LOXHD1: variants seen among roughly 807,000 people sequenced by gnomAD.
LOXHD1 encodes the protein lipoxygenase homology domain-containing protein 1.
A neutral mutation model predicts 248.2 loss-of-function variants in LOXHD1; 205 were observed. That is an observed-to-expected ratio of 0.83 (90% CI 0.74 to 0.93). The LOEUF is 0.93. Among genes scored for constraint, LOXHD1 ranks in the 40% least tolerant of loss-of-function variants. The pLI is 0.00. For missense variants in LOXHD1, 2,930 were observed against 2,971.6 expected (o/e 0.99, Z 0.33); for synonymous variants, 1,113 against 1,162.8 (o/e 0.96, Z 0.87).
At chr18:46,516,264 G>A (rs2035243690) in intron 34 of LOXHD1, among the ~76,000 whole-genome samples, 1 of 152,180 alleles carries the variant, frequency 6.6e-6, no homozygotes, top group Non-Finnish European at 1.5e-5. Flanking sequence ...TGATAAGAGG[G>A]GTGTTGTGAG....
Position 46,541,791 on chromosome 18 carries a change from T to C in LOXHD1, c.3898A>G (p.Arg1300Gly), listed in dbSNP as rs756361785. 1.9e-5 allele frequency: 29 copies of C among 1,551,728 alleles called. 1 individual carries two copies. The highest frequency in any genetic ancestry group is 1.7e-4 in the Middle Eastern group (1 of 5,992). The change falls in exon 25 of 41, where the codon AGG (arginine) becomes GGG (glycine). Residue 1300 changes from arginine (R) to glycine (G), a missense_variant. Arg to Gly is a moderately radical substitution (Grantham distance 125). Transcript: ENST00000642948. ...TGGTTCCTACATGGTGTGTACAGCCTCGTCTGAAGCTCTGCATGGAAGAGG... is the reference window on the plus strand; with the variant it reads ...TGGTTCCTACATGGTGTGTACAGCCCCGTCTGAAGCTCTGCATGGAAGAGG... ...RDLFHAELQTRLYTPFVPYEI... is the reference protein window; with the variant it reads ...RDLFHAELQTGLYTPFVPYEI...
At chr18:46,546,386 T>A (rs1244715460) in intron 22 of LOXHD1, among the ~76,000 whole-genome samples, 1 of 151,704 alleles carries the variant, frequency 6.6e-6, no homozygotes, top group Non-Finnish European at 1.5e-5. Flanking sequence ...TCCATTCCAT[T>A]CCAATCCACT....
In LOXHD1 at chr18:46,563,241, CAGA is replaced by C. The variant is rs1390400666; in HGVS notation, c.2438-19_2438-17del. On this transcript the variant is annotated splice_polypyrimidine_tract_variant and intron_variant, in intron 17 of 40. Coordinates refer to ENST00000642948, the MANE Select transcript of LOXHD1 (RefSeq NM_001384474.1). ...TAGTGGACCACTGGGTGGGCACGTG[CAGA>C]AGAAGTGGAACATTTAGTAATAATA... 5 of 1,480,184 alleles carry C rather than the reference CAGA, an allele frequency of 3.4e-6. No individual in the cohort carries two copies. In the African/African-American group the frequency reaches 5.6e-5, roughly 17 times the overall value. The allele number at this position is 1,480,184 out of a possible 1,614,324, so 91.7% of individuals were successfully genotyped here. A position where few individuals can be genotyped will look rare whatever the true frequency, so the allele number is the denominator to read the frequency against.
chr18:46,516,648 AATC>A (rs1049476439), intron 34 of LOXHD1, among the ~76,000 whole-genome samples: 89 of 150,154 alleles, frequency 5.9e-4, no homozygotes, highest in African/African-American at 1.7e-3. Context: ...CCACCATCAT[AATC>A]ATCATCATCA....
chr18:46,507,773 C>G, intron 35 of LOXHD1, 61 bp from the exon 36 acceptor site: 1 of 1,492,338 alleles, frequency 6.7e-7, no homozygotes, highest in Non-Finnish European at 9.0e-7. Context: ...CCAGCACCCC[C>G]TGGCTCATGC....
At chr18:46,624,461 G>GCCGGTGCCGGAAGCTGGCTCATGGCCA (rs1568222479) in intron 4 of LOXHD1, among the ~76,000 whole-genome samples, 2 of 152,222 alleles carry the variant, frequency 1.3e-5, no homozygotes, top group African/African-American at 2.4e-5. Context: ...AATGCCATGT[G>GCCGGTGCCGGAAGCTGGCTCATGGCCA]CCGGTGCCGG....
chr18:46,480,453 G>C (rs2032467305), intron 40 of LOXHD1, among the ~76,000 whole-genome samples: 1 of 151,968 alleles, frequency 6.6e-6, no homozygotes, highest in Non-Finnish European at 1.5e-5. Flanking sequence ...ATACTTCCTG[G>C]GAATTGCTCC....
Position 46,541,823 on chromosome 18 carries a change from A to G in LOXHD1, c.3866T>C (p.Ile1289Thr). ...LAKNEDDGSI[I>T]RDLFHAELQT... ...AAGCTCTGCATGGAAGAGGTCTCTG[A>G]TGATGGACCCGTCGTCTTCGTTTTT... Residue 1289 changes from isoleucine (I) to threonine (T), a missense_variant, in exon 25 of 41, where the codon ATC becomes ACC. Transcript: ENST00000642948. The G allele has an allele frequency of 1.3e-6, 2 of 1,551,676 alleles. No homozygotes were observed. The highest frequency in any genetic ancestry group is 2.4e-5 in the East Asian group (1 of 40,900).
intron 33 of LOXHD1, chr18:46,520,836 C>A: frequency 2.1e-6 from 1 of 465,200 alleles, no homozygotes; most frequent in Non-Finnish European, 3.9e-6. Context: ...AGCAGGGATG[C>A]ATTATTTCTA....
chr18:46,579,812 G>C, intron 12 of LOXHD1, 28 bp from the exon 13 acceptor site: 2 of 1,543,816 alleles, frequency 1.3e-6, no homozygotes, highest in Non-Finnish European at 1.8e-6. Flanking sequence ...GGACATCATT[G>C]CTGACAGCCC....
Position 46,560,069 on chromosome 18 carries a change from C to CCCCCCCCCCA in LOXHD1, c.3061+13_3061+14insTGGGGGGGGG. 1.3e-6 allele frequency: 2 copies of CCCCCCCCCCA among 1,514,272 alleles called. No homozygotes were observed. The highest frequency in any genetic ancestry group is 1.8e-6 in the Non-Finnish European group (2 of 1,119,026). The allele number at this position is 1,514,272 out of a possible 1,614,324, so 93.8% of individuals were successfully genotyped here. Reference sequence around the variant, plus strand: ...CCACTCCCTCCCCACCCCCACCCCCCACGACCCACTTACGCTCAGGACCCG... The same window carrying CCCCCCCCCCA: ...CCACTCCCTCCCCACCCCCACCCCCCCCCCCCCCCAACGACCCACTTACGCTCAGGACCCG... On this transcript the variant is annotated intron_variant, in intron 19 of 40. Coordinates refer to ENST00000642948, the MANE Select transcript of LOXHD1 (RefSeq NM_001384474.1).
intron 10 of LOXHD1, among the ~76,000 whole-genome samples, chr18:46,592,852 A>C (rs2144237461): frequency 6.6e-6 from 1 of 152,352 alleles, no homozygotes; most frequent in Admixed American, 6.5e-5. Context: ...AGTGGGATTC[A>C]GACTAAAGAA....
intron 25 of LOXHD1, among the ~76,000 whole-genome samples, chr18:46,538,837 C>T (rs912340849): frequency 6.6e-6 from 1 of 152,202 alleles, no homozygotes; most frequent in African/African-American, 2.4e-5. Context: ...CATTCTTTCA[C>T]TCTTCTCCGT....
intron 6 of LOXHD1, among the ~76,000 whole-genome samples, chr18:46,606,843 A>T (rs1426786352): frequency 6.6e-6 from 1 of 152,198 alleles, no homozygotes; most frequent in Non-Finnish European, 1.5e-5. Flanking sequence ...AAGTCATGGT[A>T]GATCTAAAAC....
chr18:46,537,526 G>A (rs2036365119), intron 26 of LOXHD1, among the ~76,000 whole-genome samples: 1 of 152,090 alleles, frequency 6.6e-6, no homozygotes, highest in African/African-American at 2.4e-5. Context: ...CCCTTCTCTT[G>A]TGTCTCCCAC....
At chr18:46,504,608 G>C (rs1425661044) in intron 37 of LOXHD1, among the ~76,000 whole-genome samples, 1 of 152,178 alleles carries the variant, frequency 6.6e-6, no homozygotes, top group Non-Finnish European at 1.5e-5. Flanking sequence ...AGTTTATTCT[G>C]TGTTATGGAA....
At chr18:46,623,655 C>T (rs1716227309) in intron 4 of LOXHD1, among the ~76,000 whole-genome samples, 1 of 152,260 alleles carries the variant, frequency 6.6e-6, no homozygotes, top group Admixed American at 6.5e-5. Flanking sequence ...ACAGGAAATC[C>T]GTCCCTTGCC....
At chr18:46,507,837 C>T (rs921891413) in intron 35 of LOXHD1, 125 bp from the exon 36 acceptor site, 16 of 965,824 alleles carry the variant, frequency 1.7e-5, no homozygotes, top group East Asian at 2.7e-5. Flanking sequence ...CAAGCGCTTG[C>T]GACTGAGACC....
chr18:46,615,021 T>C (rs967478074), intron 5 of LOXHD1, among the ~76,000 whole-genome samples: 4 of 152,232 alleles, frequency 2.6e-5, no homozygotes, highest in Non-Finnish European at 4.4e-5. Flanking sequence ...AATTTGGCTA[T>C]AGTATGTTCT....
Sources: gnomAD v4.1 joint callset for allele counts (sites outside exome capture counted in the v4.1 genomes callset) on GRCh38, gnomAD v4.1.1 for gene constraint, MANE v1.5 for transcripts, NCBI Gene and HGNC (gene_info 2026-07-23, HGNC 2026-07-21) for gene names.